Variants in CHSY3 observed in about 807,000 individuals in gnomAD.
CHSY3 encodes chondroitin sulfate synthase 3.
In CHSY3, 35 loss-of-function variants were observed where a neutral mutation model predicts 67.2. The observed-to-expected ratio is 0.52, with a 90% CI of 0.40 to 0.69. CHSY3 has a LOEUF of 0.69. Ranked by LOEUF, CHSY3 falls within the 30% of genes least tolerant of loss-of-function variation. The pLI is 0.00. For synonymous variants in CHSY3, 474 were observed against 434.7 expected, an observed-to-expected ratio of 1.09 and a Z score of -1.12; for missense variants, 1,069 against 1,138.5, an observed-to-expected ratio of 0.94 and a Z score of 0.88.
chr5:129,972,330 C>T (rs1762666241), intron 2 of CHSY3, among the ~76,000 whole-genome samples: 1 of 151,750 alleles, frequency 6.6e-6, no homozygotes, highest in African/African-American at 2.4e-5. Context: ...ACTTGAAGAC[C>T]CCTAACAGTT....
At chr5:130,070,998 C>A (rs1321594183) in intron 2 of CHSY3, among the ~76,000 whole-genome samples, 2 of 151,990 alleles carry the variant, frequency 1.3e-5, no homozygotes, top group Non-Finnish European at 2.9e-5. Context: ...GTTCATTTAT[C>A]TATATAAGTC....
At chr5:130,023,205 G>C (rs567660412) in intron 2 of CHSY3, among the ~76,000 whole-genome samples, 68 of 151,730 alleles carry the variant, frequency 4.5e-4, no homozygotes, top group Admixed American at 1.2e-3. Context: ...CTTGAGTTTT[G>C]TTTCTTAGGT....
At chr5:129,936,279 A>T (rs1239784170) in intron 2 of CHSY3, among the ~76,000 whole-genome samples, 4 of 152,216 alleles carry the variant, frequency 2.6e-5, no homozygotes, top group African/African-American at 9.6e-5. Flanking sequence ...GGTTGAAAGC[A>T]AAAGGAACAC....
intron 2 of CHSY3, chr5:130,140,640 C>A: frequency 2.6e-6 from 1 of 389,460 alleles, no homozygotes; most frequent in South Asian, 4.6e-5. Context: ...TTTGATGTGT[C>A]AACCCTCATT....
At chr5:130,168,804 A>G (rs1196211411) in intron 2 of CHSY3, among the ~76,000 whole-genome samples, 1 of 152,094 alleles carries the variant, frequency 6.6e-6, no homozygotes, top group African/African-American at 2.4e-5. Context: ...ACAATATAGA[A>G]TAATTAGTAC....
intron 2 of CHSY3, among the ~76,000 whole-genome samples, chr5:130,086,369 T>C (rs62391444): frequency 0.1 from 15,687 of 151,708 alleles, 976 homozygotes; most frequent in African/African-American, 0.18. Flanking sequence ...ATATAATGGC[T>C]TTCTTTGTCT....
intron 2 of CHSY3, among the ~76,000 whole-genome samples, chr5:129,973,087 A>C (rs1481595196): frequency 6.6e-6 from 1 of 151,954 alleles, no homozygotes; most frequent in Non-Finnish European, 1.5e-5. Flanking sequence ...TAACTCTTTC[A>C]TTAAATTGCT....
intron 2 of CHSY3, among the ~76,000 whole-genome samples, chr5:130,130,933 T>C (rs1768463373): frequency 6.6e-6 from 1 of 152,162 alleles, no homozygotes; most frequent in South Asian, 2.1e-4. Flanking sequence ...TGGGTATGAT[T>C]CTCCATAACC....
At chr5:130,048,621 G>A (rs558822909) in intron 2 of CHSY3, among the ~76,000 whole-genome samples, 1 of 151,962 alleles carries the variant, frequency 6.6e-6, no homozygotes, top group African/African-American at 2.4e-5. Flanking sequence ...TTCCAGATCT[G>A]TGCTAATTAC....
rs768480918 is a variant in CHSY3, at chr5:129,905,340, G to C, written c.511G>C (p.Asp171His). ...GAAAPSARPR[D>H]FLYVGVMTAQ... is the part of the protein sequence containing the mutation. ...TGCCGCCCCGAGCGCCCGACCCCGGGACTTCCTGTACGTGGGGGTGATGAC... is the reference window on the plus strand; with the variant it reads ...TGCCGCCCCGAGCGCCCGACCCCGGCACTTCCTGTACGTGGGGGTGATGAC... Residue 171 changes from aspartate to histidine, a missense_variant, in exon 1 of 3, where the codon GAC (aspartate) becomes CAC (histidine). By Grantham distance (81) the Asp-to-His change is moderately conservative. Transcript: ENST00000305031. 1.9e-5 allele frequency: 29 copies of C among 1,551,622 alleles called. No homozygotes were observed. Among genetic ancestry groups the C allele is most frequent in the Non-Finnish European group, 2.4e-5 (28 of 1,152,092 alleles).
At chr5:129,976,913 C>CATATATATATATAT (rs5871372) in intron 2 of CHSY3, among the ~76,000 whole-genome samples, 2 of 146,494 alleles carry the variant, frequency 1.4e-5, no homozygotes, top group Admixed American at 6.9e-5. Context: ...ATAGAGAAGA[C>CATATATATATATAT]ATATATATAT....
At chr5:129,927,873 C>T (rs1171909363) in intron 2 of CHSY3, among the ~76,000 whole-genome samples, 1 of 151,328 alleles carries the variant, frequency 6.6e-6, no homozygotes, top group African/African-American at 2.4e-5. Flanking sequence ...TGTTAAATTC[C>T]AGTTTTTGTG....
intron 2 of CHSY3, among the ~76,000 whole-genome samples, chr5:129,995,950 CCT>C (rs1037866377): frequency 1.3e-5 from 2 of 151,286 alleles, no homozygotes; most frequent in Non-Finnish European, 1.5e-5. Flanking sequence ...TCTTCCTCTC[CCT>C]CTCTCTCTCT....
intron 2 of CHSY3, among the ~76,000 whole-genome samples, chr5:130,067,882 G>C (rs1765933994): frequency 6.6e-6 from 1 of 151,942 alleles, no homozygotes; most frequent in African/African-American, 2.4e-5. Flanking sequence ...ATGTTACATA[G>C]GTTCCCCAAA....
chr5:130,074,077 TTG>T (rs1766175740), intron 2 of CHSY3, among the ~76,000 whole-genome samples: 1 of 148,336 alleles, frequency 6.7e-6, no homozygotes, highest in African/African-American at 2.6e-5. Flanking sequence ...TTTTTGTTTT[TTG>T]TTTTTTTTTG....
intron 2 of CHSY3, among the ~76,000 whole-genome samples, chr5:130,085,942 A>T (rs1442635168): frequency 6.6e-6 from 1 of 152,092 alleles, no homozygotes; most frequent in Non-Finnish European, 1.5e-5. Flanking sequence ...CTTAATCCTG[A>T]GTTCTAGTTT....
At chr5:130,051,814 A>T (rs1213440713) in intron 2 of CHSY3, among the ~76,000 whole-genome samples, 2 of 152,130 alleles carry the variant, frequency 1.3e-5, no homozygotes, top group Non-Finnish European at 2.9e-5. Flanking sequence ...TGGACTTGTA[A>T]ACCAGACGTT....
intron 2 of CHSY3, among the ~76,000 whole-genome samples, chr5:130,153,854 T>G (rs1769297998): frequency 6.6e-6 from 1 of 152,198 alleles, no homozygotes; most frequent in African/African-American, 2.4e-5. Context: ...TCTGTAATCA[T>G]TACGTAAACA....
intron 2 of CHSY3, among the ~76,000 whole-genome samples, chr5:130,009,947 A>G (rs1195811557): frequency 6.6e-6 from 1 of 152,210 alleles, no homozygotes; most frequent in Admixed American, 6.5e-5. Context: ...CCTATCCTAA[A>G]TATATGTACA....
Sources: allele counts gnomAD v4.1 joint callset (sites outside exome capture counted in the v4.1 genomes callset), GRCh38; gene constraint gnomAD v4.1.1; transcripts MANE v1.5; gene names NCBI Gene and HGNC (gene_info 2026-07-23, HGNC 2026-07-21).